Variants in PTPN2 observed in about 807,000 individuals in gnomAD.
PTPN2 encodes the protein tyrosine-protein phosphatase non-receptor type 2.
In PTPN2, 19 loss-of-function variants were observed where a neutral mutation model predicts 57.3. The observed-to-expected ratio is 0.33, with a 90% CI of 0.23 to 0.49. The LOEUF (loss-of-function observed/expected upper bound fraction) is 0.49. Among genes scored for constraint, PTPN2 ranks in the 20% least tolerant of loss-of-function variants. PTPN2 has a pLI of 0.99. For synonymous variants in PTPN2, 153 were observed against 164.9 expected, an observed-to-expected ratio of 0.93 and a Z score of 0.55; for missense variants, 358 against 501.1, an observed-to-expected ratio of 0.71 and a Z score of 2.73.
chr18:12,834,196 G>A (rs2042768312), intron 3 of PTPN2, among the ~76,000 whole-genome samples: 2 of 152,090 alleles, frequency 1.3e-5, no homozygotes, highest in South Asian at 2.1e-4. Flanking sequence ...GAGTGGTGGT[G>A]AGCACCTGTA....
intron 1 of PTPN2, among the ~76,000 whole-genome samples, chr18:12,882,157 C>A (rs1027098781): frequency 6.6e-6 from 1 of 152,214 alleles, no homozygotes. Context: ...CTCAAACTTC[C>A]TGACTTGCTT....
At chr18:12,798,006 A>G (rs1328580651) in intron 8 of PTPN2, among the ~76,000 whole-genome samples, 1 of 152,136 alleles carries the variant, frequency 6.6e-6, no homozygotes, top group Non-Finnish European at 1.5e-5. Flanking sequence ...GATTACAGGC[A>G]TGAGCCACTC....
exon 10 of PTPN2, chr18:12,785,796 C>T (rs373280617): frequency 1.2e-6 from 2 of 1,607,514 alleles, no homozygotes; most frequent in Non-Finnish European, 1.7e-6. Context: ...AAATTTATAG[C>T]TGCAGAATAT....
At chr18:12,812,843 T>C (rs2041939615) in intron 7 of PTPN2, among the ~76,000 whole-genome samples, 1 of 152,046 alleles carries the variant, frequency 6.6e-6, no homozygotes, top group South Asian at 2.1e-4. Context: ...TGCCTTAGAA[T>C]TGAGAGCCTG....
At chr18:12,815,877 A>C (rs926484619) in intron 6 of PTPN2, among the ~76,000 whole-genome samples, 1 of 152,164 alleles carries the variant, frequency 6.6e-6, no homozygotes, top group Non-Finnish European at 1.5e-5. Flanking sequence ...ATATTAATTC[A>C]CCTGGGAATC....
intron 2 of PTPN2, among the ~76,000 whole-genome samples, chr18:12,839,883 C>T (rs2042987597): frequency 6.6e-6 from 1 of 151,950 alleles, no homozygotes; most frequent in Non-Finnish European, 1.5e-5. Context: ...CTAGTGCTAG[C>T]TGTGGCTGTG....
chr18:12,841,023 AG>A, intron 2 of PTPN2: 1 of 1,369,026 alleles, frequency 7.3e-7, no homozygotes, highest in Non-Finnish European at 9.6e-7. Context: ...AGGGATCTAA[AG>A]GTAAGACATT....
intron 1 of PTPN2, among the ~76,000 whole-genome samples, chr18:12,867,715 T>C (rs966201235): frequency 1.3e-5 from 2 of 152,214 alleles, no homozygotes; most frequent in African/African-American, 4.8e-5. Context: ...CGCACACCTC[T>C]TTCCTGAGTT....
chr18:12,785,714 C>G, exon 10 of PTPN2: 1 of 983,212 alleles, frequency 1.0e-6, no homozygotes. Flanking sequence ...GTGAGGCAAT[C>G]TAGAGGGTTA....
chr18:12,811,585 A>G (rs2041890920), intron 7 of PTPN2, among the ~76,000 whole-genome samples: 1 of 152,166 alleles, frequency 6.6e-6, no homozygotes, highest in African/African-American at 2.4e-5. Flanking sequence ...ACTCATGGCT[A>G]TGTTCGACAG....
intron 1 of PTPN2, among the ~76,000 whole-genome samples, chr18:12,883,033 G>T (rs890263543): frequency 6.6e-6 from 1 of 152,210 alleles, no homozygotes; most frequent in African/African-American, 2.4e-5. Flanking sequence ...TAAAAAAAGC[G>T]AATCACAGGT....
downstream of PTPN2, among the ~76,000 whole-genome samples, chr18:12,789,508 A>G (rs897954330): frequency 6.6e-6 from 1 of 152,272 alleles, no homozygotes; most frequent in Admixed American, 6.5e-5. Flanking sequence ...CTGTTGGTGT[A>G]TCAATGGGAA....
intron 2 of PTPN2, among the ~76,000 whole-genome samples, chr18:12,845,082 TAG>T (rs750471494): frequency 2.6e-5 from 4 of 152,234 alleles, no homozygotes; most frequent in Non-Finnish European, 5.9e-5. Context: ...TAAAACTAGG[TAG>T]AGTGATTCTT....
intron 1 of PTPN2, among the ~76,000 whole-genome samples, chr18:12,867,399 G>C (rs1005498970): frequency 1.3e-5 from 2 of 151,594 alleles, no homozygotes; most frequent in Non-Finnish European, 2.9e-5. Context: ...TATTTCTCAA[G>C]AAAGACTGAA....
intron 6 of PTPN2, among the ~76,000 whole-genome samples, chr18:12,815,952 C>T (rs569815490): frequency 6.6e-6 from 1 of 152,250 alleles, no homozygotes; most frequent in South Asian, 2.1e-4. Flanking sequence ...TGAAGCATAG[C>T]TACGTTTTAC....
intron 1 of PTPN2, among the ~76,000 whole-genome samples, chr18:12,878,811 C>T (rs943807941): frequency 1.3e-5 from 2 of 152,186 alleles, no homozygotes; most frequent in Admixed American, 6.5e-5. Context: ...TGCACCACTG[C>T]ACTTGTACTC....
At chr18:12,855,528 A>G (rs775476317) in intron 2 of PTPN2, among the ~76,000 whole-genome samples, 4 of 152,130 alleles carry the variant, frequency 2.6e-5, no homozygotes. Flanking sequence ...GTGATAGAAC[A>G]TGAAGCTAAG....
chr18:12,837,015 A>G (rs780134129), intron 2 of PTPN2, 124 bp from the exon 3 acceptor site: 29 of 644,590 alleles, frequency 4.5e-5, no homozygotes, highest in Non-Finnish European at 7.3e-5. Flanking sequence ...GCATCATAAT[A>G]GAGTTGAGAC....
rs35939490 is a variant in PTPN2, at chr18:12,813,021, TAA to T, written c.858+1180_858+1181del. 4.9e-3 allele frequency among the ~76,000 whole-genome samples: 717 copies of T among 146,918 alleles called. 3 individuals carry two copies. Among genetic ancestry groups the T allele is most frequent in the African/African-American group, 0.015 (599 of 39,948 alleles). On this transcript the variant is annotated intron_variant, in intron 7 of 8. Coordinates refer to ENST00000309660, the MANE Select transcript of PTPN2 (RefSeq NM_002828.4). Reference sequence around the variant, plus strand: ...ATTCTAAAACTAAAGACACAAAACTTAAAAAAAAAAAAAGCAGTGGTAGGAAA... The same window carrying T: ...ATTCTAAAACTAAAGACACAAAACTTAAAAAAAAAAAGCAGTGGTAGGAAA...
Sources: allele counts gnomAD v4.1 joint callset (sites outside exome capture counted in the v4.1 genomes callset), GRCh38; gene constraint gnomAD v4.1.1; transcripts MANE v1.5; gene names NCBI Gene and HGNC (gene_info 2026-07-23, HGNC 2026-07-21).